Variants in COBLL1 observed in about 807,000 individuals in gnomAD.
COBLL1 encodes the protein cordon-bleu protein-like 1.
A neutral mutation model predicts 94.8 loss-of-function variants in COBLL1; 50 were observed. That is an observed-to-expected ratio of 0.53 (90% CI 0.42 to 0.67). COBLL1 has a LOEUF of 0.67. COBLL1 is among the 30% of genes least tolerant of loss of function. The pLI is 0.00. For missense variants in COBLL1, 1,362 were observed against 1,348.7 expected (o/e 1.01, Z -0.15); for synonymous variants, 448 against 473.8 (o/e 0.95, Z 0.71).
At chr2:164,827,578 C>G (rs1473797233) in intron 2 of COBLL1, among the ~76,000 whole-genome samples, 5 of 152,170 alleles carry the variant, frequency 3.3e-5, no homozygotes, top group African/African-American at 1.2e-4. Context: ...TGGTCTTATT[C>G]TTCAGCTCAT....
chr2:164,831,374 A>C (rs1270413981), intron 2 of COBLL1, among the ~76,000 whole-genome samples: 4 of 151,450 alleles, frequency 2.6e-5, no homozygotes, highest in Non-Finnish European at 5.9e-5. Context: ...ATTTTATTAA[A>C]TTTTATTTTA....
chr2:164,746,746 C>T (rs1289672465), intron 2 of COBLL1, among the ~76,000 whole-genome samples: 1 of 151,866 alleles, frequency 6.6e-6, no homozygotes, highest in Admixed American at 6.6e-5. Context: ...CCTCCCTTAC[C>T]TCCGGCCTCT....
At position 164,743,745 on chromosome 2, in the gene COBLL1, C is replaced by T. The variant is rs754772156; in HGVS notation, c.172G>A (p.Val58Ile). 9.9e-6 allele frequency: 16 copies of T among 1,613,386 alleles called. No homozygotes were observed. Among genetic ancestry groups the T allele is most frequent in the South Asian group, 3.3e-5 (3 of 91,048 alleles). ...CCAGGTAGGACCACTGAGAGTTCAA[C>T]GTCTTTATCTATCATGTTTTCTTTC... ...EQKENMIDKD[V>I]ELSVVLPGDI... Residue 58 changes from valine to isoleucine, a missense_variant, in exon 3 of 14, where the codon GTT becomes ATT. Val to Ile is a conservative substitution (Grantham distance 29, BLOSUM62 3). Transcript: ENST00000652658.
chr2:164,837,662 TG>T (rs1249209965), intron 2 of COBLL1, among the ~76,000 whole-genome samples: 2 of 151,424 alleles, frequency 1.3e-5, no homozygotes, highest in Non-Finnish European at 2.9e-5. Context: ...TATATATGTA[TG>T]TATATGTATA....
At chr2:164,820,367 A>G (rs1486316611) in intron 2 of COBLL1, among the ~76,000 whole-genome samples, 1 of 151,524 alleles carries the variant, frequency 6.6e-6, no homozygotes, top group Non-Finnish European at 1.5e-5. Flanking sequence ...CTACAAGAAA[A>G]TGTCACCACA....
At chr2:164,813,132 A>C (rs1684538847) in intron 2 of COBLL1, among the ~76,000 whole-genome samples, 1 of 152,140 alleles carries the variant, frequency 6.6e-6, no homozygotes, top group Admixed American at 6.6e-5. Context: ...CCTATCATCA[A>C]ATGGATAGAT....
intron 3 of COBLL1, among the ~76,000 whole-genome samples, chr2:164,737,142 A>T (rs2105541107): frequency 6.6e-6 from 1 of 152,320 alleles, no homozygotes; most frequent in South Asian, 2.1e-4. Flanking sequence ...AGCCTGGGCA[A>T]TGGAGTGAGA....
chr2:164,700,534 C>T lies in COBLL1; in HGVS notation c.1448G>A (p.Ser483Asn), dbSNP rs1179848996. Residue 483 changes from serine (S) to asparagine (N), a missense_variant, in exon 10 of 14, where the codon AGC becomes AAC. Ser to Asn is a conservative substitution (Grantham distance 46, BLOSUM62 1). Transcript: ENST00000652658. ...AGAGACTACTTACTGTCCATCTGTG[C>T]TTTTAGTTTCTTGTTTTTCTTCCAT... ...NSMEEKQETK[S>N]TDGQEPHSVV... 3 of 1,611,564 alleles carry T rather than the reference C, an allele frequency of 1.9e-6. No individual in the cohort carries two copies. Among genetic ancestry groups the T allele is most frequent in the Non-Finnish European group, 2.5e-6 (3 of 1,177,952 alleles).
At chr2:164,702,951 C>T (rs1198354621) in intron 9 of COBLL1, among the ~76,000 whole-genome samples, 5 of 152,194 alleles carry the variant, frequency 3.3e-5, no homozygotes, top group Admixed American at 6.5e-5. Context: ...ACAAACTCTA[C>T]ACCCAGATAA....
Position 164,808,735 on chromosome 2 carries a change from A to G in COBLL1, c.41+32421T>C, listed in dbSNP as rs1684318454. On this transcript the variant is annotated intron_variant, in intron 2 of 13. Coordinates refer to ENST00000652658, the MANE Select transcript of COBLL1 (RefSeq NM_001365672.2). ...AAGCATTTAAGCCCTTTAAAAAAAT[A>G]CAACACTATTACTTTTTTAAAAACT... 2.0e-5 allele frequency among the ~76,000 whole-genome samples: 3 copies of G among 152,274 alleles called. No homozygotes were observed. The South Asian group carries it at 6.2e-4, about 32-fold the overall frequency.
intron 2 of COBLL1, among the ~76,000 whole-genome samples, chr2:164,795,483 T>C (rs1243125338): frequency 6.6e-6 from 1 of 152,176 alleles, no homozygotes; most frequent in Non-Finnish European, 1.5e-5. Flanking sequence ...ATTGCAAATA[T>C]CTTCTAAATT....
chr2:164,833,456 T>C, intron 2 of COBLL1, among the ~76,000 whole-genome samples: 1 of 147,958 alleles, frequency 6.8e-6, no homozygotes, highest in East Asian at 2.0e-4. Context: ...TACATTTTTT[T>C]TTTTTTTTTC....
At chr2:164,754,319 C>T (rs1446074087) in intron 2 of COBLL1, among the ~76,000 whole-genome samples, 3 of 152,140 alleles carry the variant, frequency 2.0e-5, no homozygotes, top group Admixed American at 6.6e-5. Flanking sequence ...TCCCTTTGTA[C>T]GTGGGCTGGA....
At chr2:164,709,014 T>C (rs915559801) in intron 7 of COBLL1, among the ~76,000 whole-genome samples, 3 of 152,136 alleles carry the variant, frequency 2.0e-5, no homozygotes. Context: ...GCAGACAGTA[T>C]AGAAATAAAA....
intron 13 of COBLL1, among the ~76,000 whole-genome samples, chr2:164,690,618 T>C (rs1683542945): frequency 1.3e-5 from 2 of 152,208 alleles, no homozygotes; most frequent in Non-Finnish European, 2.9e-5. Flanking sequence ...CTGATGAATA[T>C]CTTCACTGAC....
chr2:164,782,335 TGTTA>T (rs1383268257), intron 2 of COBLL1, among the ~76,000 whole-genome samples: 4 of 152,308 alleles, frequency 2.6e-5, no homozygotes, highest in Admixed American at 1.3e-4. Context: ...CTAAATTAAC[TGTTA>T]ATTATGTTTT....
chr2:164,790,026 A>G (rs1372794095), intron 2 of COBLL1, among the ~76,000 whole-genome samples: 1 of 152,250 alleles, frequency 6.6e-6, no homozygotes, highest in Non-Finnish European at 1.5e-5. Flanking sequence ...GGAAAAATAC[A>G]TAACTTCAGA....
At chr2:164,750,863 T>C (rs570684212) in intron 2 of COBLL1, among the ~76,000 whole-genome samples, 7 of 152,158 alleles carry the variant, frequency 4.6e-5, no homozygotes, top group Non-Finnish European at 1.0e-4. Flanking sequence ...GGCAGGGCCT[T>C]ACAATCCACA....
chr2:164,828,336 T>TC (rs1401203256), intron 2 of COBLL1, among the ~76,000 whole-genome samples: 5 of 152,182 alleles, frequency 3.3e-5, no homozygotes, highest in Non-Finnish European at 7.4e-5. Flanking sequence ...TTTTAGGGTT[T>TC]CACAACAAAT....
Sources: gnomAD v4.1 joint callset for allele counts (sites outside exome capture counted in the v4.1 genomes callset) on GRCh38, gnomAD v4.1.1 for gene constraint, MANE v1.5 for transcripts, NCBI Gene and HGNC (gene_info 2026-07-23, HGNC 2026-07-21) for gene names.